Variants in FTCDNL1 observed in about 807,000 individuals in gnomAD.
FTCDNL1 encodes formiminotransferase cyclodeaminase N-terminal like, also known as formiminotransferase N-terminal subdomain-containing protein.
Under a neutral mutation model 5.9 loss-of-function variants are expected in FTCDNL1, and 11 were observed. The ratio of observed to expected loss-of-function variants is 1.87; its 90% confidence interval spans 1.18 to 3.10. FTCDNL1 has a LOEUF of 3.10. Among genes scored for constraint, FTCDNL1 ranks in the 30% most tolerant of loss-of-function variants. The pLI is 0.00. For synonymous variants in FTCDNL1, 58 were observed against 24.8 expected (o/e 2.34, Z -3.99); for missense variants, 115 against 65.5 (o/e 1.76, Z -2.61).
At chr2:199,697,130 G>A in the FTCDNL1 span, among the ~76,000 whole-genome samples, 1 of 152,068 alleles carries the variant, frequency 6.6e-6, no homozygotes, top group Non-Finnish European at 1.5e-5. Context: ...AAATTAGCCG[G>A]GCATGGTGGT....
intron 3 of FTCDNL1, among the ~76,000 whole-genome samples, chr2:199,798,046 T>C (rs1253810468): frequency 1.3e-5 from 2 of 152,178 alleles, no homozygotes; most frequent in African/African-American, 4.8e-5. Flanking sequence ...TGAGGAATTG[T>C]GATGTCTCTA....
chr2:199,754,202 G>A, the FTCDNL1 span, among the ~76,000 whole-genome samples: 13 of 152,224 alleles, frequency 8.5e-5, no homozygotes, highest in South Asian at 1.7e-3. Flanking sequence ...CTGGGCACTC[G>A]GACACCCAGA....
chr2:199,685,974 G>A, the FTCDNL1 span, among the ~76,000 whole-genome samples: 1 of 152,194 alleles, frequency 6.6e-6, no homozygotes, highest in African/African-American at 2.4e-5. Context: ...AATAGTTACA[G>A]AACATAAATT....
chr2:199,712,166 G>A, the FTCDNL1 span, among the ~76,000 whole-genome samples: 15 of 152,220 alleles, frequency 9.9e-5, no homozygotes, highest in Non-Finnish European at 2.1e-4. Flanking sequence ...CATCATCATG[G>A]AATAAACTTC....
the FTCDNL1 span, among the ~76,000 whole-genome samples, chr2:199,680,226 G>A: frequency 3.0e-4 from 45 of 152,158 alleles, no homozygotes; most frequent in African/African-American, 1.1e-3. Context: ...ATTGGAGTTT[G>A]TAACCTCAAT....
At chr2:199,766,074 CA>C (rs1328593733) in intron 3 of FTCDNL1, among the ~76,000 whole-genome samples, 2 of 152,178 alleles carry the variant, frequency 1.3e-5, no homozygotes, top group Non-Finnish European at 2.9e-5. Context: ...TCACCCCCAT[CA>C]GTTCAACAGT....
At chr2:199,806,244 C>T (rs866977643), downstream of FTCDNL1, among the ~76,000 whole-genome samples, 3 of 152,108 alleles carry the variant, frequency 2.0e-5, no homozygotes, top group Non-Finnish European at 1.5e-5. Flanking sequence ...TGTGCAGGCT[C>T]GCTTAAAACA....
intron 3 of FTCDNL1, among the ~76,000 whole-genome samples, chr2:199,776,916 G>GTATATATA (rs56091291): frequency 2.8e-5 from 4 of 143,454 alleles, no homozygotes; most frequent in Admixed American, 1.4e-4. Context: ...ATATGTGTAT[G>GTATATATA]TATATATATA....
chr2:199,693,843 C>T, the FTCDNL1 span, among the ~76,000 whole-genome samples: 1 of 152,200 alleles, frequency 6.6e-6, no homozygotes, highest in Non-Finnish European at 1.5e-5. Context: ...ATTTGTATGG[C>T]TGTGAACCAC....
the FTCDNL1 span, among the ~76,000 whole-genome samples, chr2:199,751,582 C>A: frequency 6.6e-6 from 1 of 152,018 alleles, no homozygotes; most frequent in Admixed American, 6.6e-5. Flanking sequence ...AGGCAGAGCA[C>A]CCCCACTCCT....
chr2:199,706,936 G>A, the FTCDNL1 span, among the ~76,000 whole-genome samples: 2 of 152,222 alleles, frequency 1.3e-5, no homozygotes, highest in East Asian at 3.9e-4. Flanking sequence ...TGGGGAAGGG[G>A]CTGTGTGCTG....
At chr2:199,742,520 C>T in the FTCDNL1 span, among the ~76,000 whole-genome samples, 1 of 152,156 alleles carries the variant, frequency 6.6e-6, no homozygotes, top group Non-Finnish European at 1.5e-5. Context: ...AATTTTATCT[C>T]TTCTTAAAGT....
chr2:199,819,671 C>A lies in FTCDNL1; in HGVS notation c.298G>T (p.Val100Leu). The A allele has an allele frequency of 1.4e-6, 1 of 702,314 alleles. No individual in the cohort carries two copies. Among genetic ancestry groups the A allele is most frequent in the Non-Finnish European group, 2.6e-6 (1 of 384,814 alleles). The allele number at this position is 702,314 out of a possible 1,614,324, so 43.5% of individuals were successfully genotyped here. A position where few individuals can be genotyped will look rare whatever the true frequency, so the allele number is the denominator to read the frequency against. Reference sequence around the variant, plus strand: ...CAGCCCAGCTGCTTCCTTCTCTGCACAAGACTGCGCTTCTCAGGCAGGTCA... The same window carrying A: ...CAGCCCAGCTGCTTCCTTCTCTGCAAAAGACTGCGCTTCTCAGGCAGGTCA... ...EADLPEKRSL[V>L]QRRKQLGWFT... The change falls in exon 4 of 5, where the codon GTG becomes TTG. Residue 100 changes from valine to leucine, a missense_variant. Transcript: ENST00000420128.
At chr2:199,739,112 C>T in the FTCDNL1 span, among the ~76,000 whole-genome samples, 21 of 152,174 alleles carry the variant, frequency 1.4e-4, no homozygotes, top group Non-Finnish European at 2.9e-4. Context: ...TAAATGTTTC[C>T]TTAAAGTGTA....
chr2:199,812,808 G>A (rs1256316871), intron 4 of FTCDNL1, 84 bp from the exon 5 acceptor site: 16 of 622,140 alleles, frequency 2.6e-5, no homozygotes, highest in Non-Finnish European at 4.0e-5. Flanking sequence ...AAATATTGGT[G>A]TTTACTCCTA....
the FTCDNL1 span, among the ~76,000 whole-genome samples, chr2:199,724,785 G>A: frequency 6.6e-6 from 1 of 151,970 alleles, no homozygotes; most frequent in East Asian, 1.9e-4. Context: ...CATTTGCTGA[G>A]GAGTGTTTTA....
At chr2:199,714,737 G>C in the FTCDNL1 span, among the ~76,000 whole-genome samples, 1 of 152,122 alleles carries the variant, frequency 6.6e-6, no homozygotes, top group African/African-American at 2.4e-5. Flanking sequence ...CCAGAGAAAA[G>C]GGAGGGTCAC....
chr2:199,726,596 GTTGTTGTTA>G, the FTCDNL1 span, among the ~76,000 whole-genome samples: 1 of 152,096 alleles, frequency 6.6e-6, no homozygotes, highest in Admixed American at 6.5e-5. Flanking sequence ...TGTTGATATT[GTTGTTGTTA>G]TTGTTGTTGT....
At chr2:199,716,162 C>T in the FTCDNL1 span, among the ~76,000 whole-genome samples, 2 of 151,702 alleles carry the variant, frequency 1.3e-5, no homozygotes, top group African/African-American at 4.9e-5. Flanking sequence ...AGCACTGTCT[C>T]TGTTTTCACT....
Sources: allele counts gnomAD v4.1 joint callset (sites outside exome capture counted in the v4.1 genomes callset), GRCh38; gene constraint gnomAD v4.1.1; transcripts MANE v1.5; gene names NCBI Gene and HGNC (gene_info 2026-07-23, HGNC 2026-07-21).